PFKFB3: variants seen among roughly 807,000 people sequenced by gnomAD.
PFKFB3 encodes 6-phosphofructo-2-kinase/fructose-2,6-bisphosphatase 3.
In PFKFB3, 33 loss-of-function variants were observed where a neutral mutation model predicts 68.0. That is an observed-to-expected ratio of 0.49 (90% CI 0.37 to 0.65). The LOEUF (loss-of-function observed/expected upper bound fraction) is 0.65, where lower values mean the gene tolerates loss of function less well. Ranked by LOEUF, PFKFB3 falls within the 30% of genes least tolerant of loss-of-function variation. The pLI is 0.00. For synonymous variants in PFKFB3, 315 were observed against 288.2 expected (o/e 1.09, Z -0.94); for missense variants, 586 against 712.2 (o/e 0.82, Z 2.02).
intron 1 of PFKFB3, among the ~76,000 whole-genome samples, chr10:6,196,059 C>A (rs1024575636): frequency 6.6e-6 from 1 of 151,646 alleles, no homozygotes; most frequent in Non-Finnish European, 1.5e-5. Flanking sequence ...GGGGAGAGGG[C>A]GGGAGAGATA....
chr10:6,145,531 G>T (rs1841357629), intron 1 of PFKFB3, among the ~76,000 whole-genome samples: 1 of 152,172 alleles, frequency 6.6e-6, no homozygotes, highest in Admixed American at 6.5e-5. Flanking sequence ...CGGGGCCCGG[G>T]GTCCTGAGGG....
At position 6,206,687 on chromosome 10, in the gene PFKFB3, G is replaced by C. The variant is rs567278167; in HGVS notation, c.76+3351G>C. 1.2e-3 allele frequency among the ~76,000 whole-genome samples: 178 copies of C among 151,828 alleles called. 2 individuals are homozygous for C. The highest frequency in any genetic ancestry group is 1.9e-3 in the East Asian group (10 of 5,150). ...AGACGCTCCCCACATCTCAGACGATGGGCGGCCGGGCAGAGATGCTCCTCA... is the reference window on the plus strand; with the variant it reads ...AGACGCTCCCCACATCTCAGACGATCGGCGGCCGGGCAGAGATGCTCCTCA... On this transcript the variant is annotated intron_variant, in intron 1 of 14. Coordinates refer to ENST00000379775, the MANE Select transcript of PFKFB3 (RefSeq NM_004566.4).
At chr10:6,254,142 C>G in intron 14 of PFKFB3, 1 of 391,506 alleles carries the variant, frequency 2.6e-6, no homozygotes, top group Non-Finnish European at 4.4e-6. Flanking sequence ...GAGGTATCCA[C>G]TCAATCTAAT....
At chr10:6,199,785 A>G (rs7076408), upstream of PFKFB3, among the ~76,000 whole-genome samples, 61,507 of 149,064 alleles carry the variant, frequency 0.41, 13,652 homozygotes, top group African/African-American at 0.59. Flanking sequence ...ACAGGTGCGA[A>G]CCACTGCACT....
intron 6 of PFKFB3, among the ~76,000 whole-genome samples, chr10:6,218,133 G>T (rs1459202894): frequency 6.6e-6 from 1 of 152,196 alleles, no homozygotes; most frequent in Non-Finnish European, 1.5e-5. Context: ...CCTTTCTTTG[G>T]CTGGGCACTC....
At chr10:6,235,902 G>C (rs549556903), downstream of PFKFB3, among the ~76,000 whole-genome samples, 1 of 151,828 alleles carries the variant, frequency 6.6e-6, no homozygotes, top group Non-Finnish European at 1.5e-5. Context: ...TAGTAGCTGG[G>C]ATTACAGGTG....
intron 1 of PFKFB3, among the ~76,000 whole-genome samples, chr10:6,163,458 A>G (rs1842022204): frequency 6.6e-6 from 1 of 152,176 alleles, no homozygotes; most frequent in South Asian, 2.1e-4. Context: ...CGTCGTGGGG[A>G]CAGAGGCAGG....
intron 14 of PFKFB3, among the ~76,000 whole-genome samples, chr10:6,231,807 C>T (rs922425835): frequency 6.6e-6 from 1 of 151,640 alleles, no homozygotes; most frequent in South Asian, 2.1e-4. Context: ...CTGGCAGGCA[C>T]CTATCACCTC....
the PFKFB3 span, among the ~76,000 whole-genome samples, chr10:6,273,002 CTTTTTT>C: frequency 2.7e-5 from 2 of 74,144 alleles, no homozygotes; most frequent in Non-Finnish European, 5.5e-5. Flanking sequence ...AGATTGCAGG[CTTTTTT>C]TTTTTTTTTT....
intron 1 of PFKFB3, among the ~76,000 whole-genome samples, chr10:6,186,702 T>C (rs569173832): frequency 1.3e-5 from 2 of 152,318 alleles, no homozygotes; most frequent in East Asian, 3.9e-4. Context: ...CTTGCTATGC[T>C]GCCCAGGCTG....
At chr10:6,164,354 AGAGT>A (rs1260785057) in intron 1 of PFKFB3, among the ~76,000 whole-genome samples, 3 of 152,076 alleles carry the variant, frequency 2.0e-5, no homozygotes, top group African/African-American at 2.4e-5. Flanking sequence ...GAATTTGGGG[AGAGT>A]GAGTGAGCGG....
intron 1 of PFKFB3, among the ~76,000 whole-genome samples, chr10:6,172,914 G>A (rs905268163): frequency 6.6e-6 from 1 of 151,958 alleles, no homozygotes; most frequent in Non-Finnish European, 1.5e-5. Context: ...GGGCGCATCT[G>A]TCCTCTGTCC....
Position 6,228,115 on chromosome 10 carries a change from G to T in PFKFB3, c.1515+1750G>T. 2 of 1,508,338 alleles carry T rather than the reference G, an allele frequency of 1.3e-6. No individual in the cohort carries two copies. The highest frequency in any genetic ancestry group is 1.8e-6 in the Non-Finnish European group (2 of 1,085,940). The allele number at this position is 1,508,338 out of a possible 1,614,324, so 93.4% of individuals were successfully genotyped here. ...ACGTCTGAAGCTGCTGGCTGGGCCGGCGTGGGGTTTTTCAGGGCTTCGTCC... is the reference window on the plus strand; with the variant it reads ...ACGTCTGAAGCTGCTGGCTGGGCCGTCGTGGGGTTTTTCAGGGCTTCGTCC... On this transcript the variant is annotated intron_variant, in intron 14 of 14. Transcript: ENST00000379775. The surrounding 1 kb of genome is among the most constrained non-coding windows in gnomAD (Gnocchi z 4.5).
intron 1 of PFKFB3, among the ~76,000 whole-genome samples, chr10:6,192,013 A>G (rs1040281283): frequency 9.9e-5 from 8 of 81,048 alleles, no homozygotes; most frequent in African/African-American, 2.4e-4. Context: ...CAATCCCTAG[A>G]TGAGTATTTT....
rs1844476497 is a variant in PFKFB3 at position 6,215,134 on chromosome 10, C to G, written c.203-87C>G. 7 of 1,157,212 alleles carry G rather than the reference C, an allele frequency of 6.0e-6. 1 individual carries two copies. The South Asian group carries it at 7.6e-5, about 13-fold the overall frequency. 71.7% of individuals were successfully genotyped at this position (1,157,212 alleles called of 1,614,324 possible). A position where few individuals can be genotyped will look rare whatever the true frequency, so the allele number is the denominator to read the frequency against. On this transcript the variant is annotated intron_variant, in intron 2 of 14. Transcript: ENST00000379775. This position sits in a 1 kb window ranked among gnomAD's most constrained non-coding sequence, Gnocchi z 4.3. ...AGTCGGTGTGGTTGGCCTGGTGGCT[C>G]TTCCTTTGGTCGATCCTATGGTCCC...
intron 6 of PFKFB3, 38 bp from the exon 7 acceptor site, chr10:6,219,523 AAGCCTTCC>A (rs759612666): frequency 6.2e-7 from 1 of 1,612,288 alleles, no homozygotes; most frequent in South Asian, 1.1e-5. Context: ...TCTCAGCAGA[AAGCCTTCC>A]AGCGTGATTT....
chr10:6,194,862 T>C (rs1303912848), intron 1 of PFKFB3, among the ~76,000 whole-genome samples: 1 of 148,390 alleles, frequency 6.7e-6, no homozygotes, highest in African/African-American at 2.5e-5. Flanking sequence ...TTTGCTCCTG[T>C]TTCTTTTCTT....
chr10:6,210,860 A>G (rs113562423), intron 1 of PFKFB3, among the ~76,000 whole-genome samples: 1 of 20,168 alleles, frequency 5.0e-5, no homozygotes, highest in African/African-American at 1.1e-4. Context: ...GGGTTTCGCC[A>G]TGTTAGCCAG....
chr10:6,270,247 GACCCGGA>G, the PFKFB3 span, among the ~76,000 whole-genome samples: 49 of 152,244 alleles, frequency 3.2e-4, no homozygotes, highest in East Asian at 8.3e-3. Context: ...GGTGAGCTAC[GACCCGGA>G]ACCAGTTGCT....
Sources: gnomAD v4.1 joint callset for allele counts (sites outside exome capture counted in the v4.1 genomes callset) on GRCh38, gnomAD v4.1.1 for gene constraint, Gnocchi (gnomAD v3.1) non-coding constraint, MANE v1.5 for transcripts, NCBI Gene and HGNC (gene_info 2026-07-23, HGNC 2026-07-21) for gene names.